GPHN: variants seen among roughly 807,000 people sequenced by gnomAD.
GPHN encodes the protein gephyrin.
A neutral mutation model predicts 95.5 loss-of-function variants in GPHN; 17 were observed. The observed-to-expected ratio is 0.18, with a 90% CI of 0.12 to 0.27. The LOEUF is 0.27. Among genes scored for constraint, GPHN ranks in the 10% least tolerant of loss-of-function variants. The pLI is 1.00. For missense variants in GPHN, 660 were observed against 978.1 expected, an observed-to-expected ratio of 0.67 and a Z score of 4.34; for synonymous variants, 320 against 322.5, an observed-to-expected ratio of 0.99 and a Z score of 0.08.
At chr14:67,203,291 C>T in the GPHN span, 1 of 1,577,510 alleles carries the variant, frequency 6.3e-7, no homozygotes, top group Non-Finnish European at 8.6e-7. Flanking sequence ...TAGTGCTCAC[C>T]AGGTGAGTTA....
the GPHN span, among the ~76,000 whole-genome samples, chr14:67,484,937 CATT>C: frequency 2.0e-5 from 3 of 152,098 alleles, no homozygotes; most frequent in Non-Finnish European, 4.4e-5. Context: ...CCTCTGTGCT[CATT>C]ATTATAATGG....
At chr14:67,233,111 T>TTTTTTTTTTA in the GPHN span, among the ~76,000 whole-genome samples, 1 of 144,396 alleles carries the variant, frequency 6.9e-6, no homozygotes, top group Non-Finnish European at 1.5e-5. Flanking sequence ...CACCAACACA[T>TTTTTTTTTTA]TTTTATTTTA....
chr14:66,757,514 C>T (rs1267346375), intron 2 of GPHN, among the ~76,000 whole-genome samples: 1 of 152,120 alleles, frequency 6.6e-6, no homozygotes, highest in Non-Finnish European at 1.5e-5. Flanking sequence ...CTTAGCCTCC[C>T]GAGTAGCTGG....
chr14:67,345,920 C>G, the GPHN span: 1 of 1,188,428 alleles, frequency 8.4e-7, no homozygotes, highest in African/African-American at 1.5e-5. Context: ...AAATATCTTC[C>G]CTATAAAATT....
At chr14:67,166,253 AT>A (rs2082270277) in intron 20 of GPHN, among the ~76,000 whole-genome samples, 1 of 152,220 alleles carries the variant, frequency 6.6e-6, no homozygotes, top group African/African-American at 2.4e-5. Flanking sequence ...AGTCCTCAGA[AT>A]GTATCTGTAA....
At chr14:66,913,322 G>T (rs1038107109) in intron 5 of GPHN, among the ~76,000 whole-genome samples, 1 of 151,506 alleles carries the variant, frequency 6.6e-6, no homozygotes, top group Non-Finnish European at 1.5e-5. Context: ...CTCCTAAACT[G>T]CCCTTCTTTT....
the GPHN span, chr14:67,411,946 T>C: frequency 7.3e-7 from 1 of 1,371,964 alleles, no homozygotes. Flanking sequence ...GGCGCGCGTC[T>C]GGCCCCGCTC....
At chr14:67,285,001 G>GTGGCCTTC in the GPHN span, among the ~76,000 whole-genome samples, 1 of 151,886 alleles carries the variant, frequency 6.6e-6, no homozygotes, top group African/African-American at 2.4e-5. Flanking sequence ...TCCTCCCACC[G>GTGGCCTTC]TGGCCTTCCA....
the GPHN span, chr14:67,312,317 C>T: frequency 2.9e-6 from 1 of 349,098 alleles, no homozygotes; most frequent in Non-Finnish European, 5.0e-6. Context: ...GTGGCTCACA[C>T]CTATAATCCC....
chr14:66,911,017 T>C (rs1242264262), intron 5 of GPHN, among the ~76,000 whole-genome samples: 2 of 152,044 alleles, frequency 1.3e-5, no homozygotes, highest in African/African-American at 2.4e-5. Context: ...CACAGTATGA[T>C]TTCATTTGTA....
At chr14:67,086,279 A>T (rs1262952134) in intron 11 of GPHN, among the ~76,000 whole-genome samples, 1 of 152,174 alleles carries the variant, frequency 6.6e-6, no homozygotes, top group Non-Finnish European at 1.5e-5. Context: ...GCAACTTTTT[A>T]AATGTGAGAG....
chr14:67,262,377 A>G, the GPHN span, among the ~76,000 whole-genome samples: 2 of 152,172 alleles, frequency 1.3e-5, no homozygotes, highest in Non-Finnish European at 2.9e-5. Context: ...CCTCGAATCC[A>G]GAGACCTTAT....
chr14:67,516,526 TG>T, the GPHN span, among the ~76,000 whole-genome samples: 1 of 152,180 alleles, frequency 6.6e-6, no homozygotes, highest in African/African-American at 2.4e-5. Context: ...AAGGAACCTA[TG>T]GTTCATCCAG....
chr14:66,831,559 T>C (rs918645927), intron 4 of GPHN, among the ~76,000 whole-genome samples: 4 of 152,188 alleles, frequency 2.6e-5, no homozygotes, highest in Admixed American at 2.6e-4. Flanking sequence ...TGGCATGCAA[T>C]ATGGTATAGT....
At chr14:67,353,633 G>A in the GPHN span, 23,448 of 151,990 alleles carry the variant, frequency 0.15, 3,410 homozygotes, top group East Asian at 0.42. Flanking sequence ...AACTACAGGC[G>A]TATGCCACCA....
chr14:67,658,291 T>C, the GPHN span, among the ~76,000 whole-genome samples: 1 of 152,180 alleles, frequency 6.6e-6, no homozygotes, highest in East Asian at 1.9e-4. Context: ...ACCTAAATTA[T>C]GTTTTAATAA....
intron 2 of GPHN, among the ~76,000 whole-genome samples, chr14:66,772,087 CA>C (rs1215598085): frequency 7.2e-6 from 1 of 137,990 alleles, no homozygotes; most frequent in East Asian, 2.1e-4. Context: ...TTTTGTGAAA[CA>C]AAAAAATAAA....
intron 9 of GPHN, among the ~76,000 whole-genome samples, chr14:67,012,131 A>T (rs1041146808): frequency 1.3e-5 from 2 of 152,164 alleles, no homozygotes; most frequent in Non-Finnish European, 2.9e-5. Context: ...AAAAGAGAAA[A>T]TCTTTATAAT....
At chr14:67,454,779 C>T in the GPHN span, 1 of 152,174 alleles carries the variant, frequency 6.6e-6, no homozygotes, top group African/African-American at 2.4e-5. Flanking sequence ...AGGCAGGGCC[C>T]TAACCTAGGC....
Sources: allele counts gnomAD v4.1 joint callset (sites outside exome capture counted in the v4.1 genomes callset), GRCh38; gene constraint gnomAD v4.1.1; transcripts MANE v1.5; gene names NCBI Gene and HGNC (gene_info 2026-07-23, HGNC 2026-07-21).